The following FAM163A variants were observed in gnomAD, a reference collection of about 807,000 sequenced individuals.
FAM163A encodes protein FAM163A.
FAM163A carries 7 observed loss-of-function variants against 12.0 expected under a neutral mutation model. The observed-to-expected ratio is 0.58, with a 90% confidence interval of 0.33 to 1.10. The LOEUF (loss-of-function observed/expected upper bound fraction) is 1.10. Among genes scored for constraint, FAM163A ranks in the 50% least tolerant of loss-of-function variants. FAM163A has a pLI of 0.03. For synonymous variants in FAM163A, 101 were observed against 91.0 expected (o/e 1.11, Z -0.62); for missense variants, 202 against 218.6 (o/e 0.92, Z 0.48).
At chr1:179,748,488 G>GA (rs1684825283) in intron 1 of FAM163A, among the ~76,000 whole-genome samples, 1 of 152,210 alleles carries the variant, frequency 6.6e-6, no homozygotes, top group Non-Finnish European at 1.5e-5. Context: ...ATCAAATTCA[G>GA]AAAATGTCTG....
At chr1:179,756,597 G>A (rs182596360) in intron 1 of FAM163A, among the ~76,000 whole-genome samples, 15 of 152,314 alleles carry the variant, frequency 9.8e-5, no homozygotes, top group South Asian at 6.2e-4. Context: ...AGAATACAAC[G>A]TCTAGGAGTC....
chr1:179,810,646 C>G (rs1160958173), intron 2 of FAM163A, among the ~76,000 whole-genome samples: 1 of 152,200 alleles, frequency 6.6e-6, no homozygotes, highest in Non-Finnish European at 1.5e-5. Context: ...CTGCCCCACT[C>G]TAGGTTCCGC....
At chr1:179,758,479 C>T (rs1262416298) in intron 1 of FAM163A, among the ~76,000 whole-genome samples, 7 of 152,154 alleles carry the variant, frequency 4.6e-5, no homozygotes, top group Admixed American at 4.6e-4. Flanking sequence ...TTCTCTCTGC[C>T]CCAGCTTTAT....
At chr1:179,797,212 C>T (rs377020241) in intron 1 of FAM163A, among the ~76,000 whole-genome samples, 1 of 152,018 alleles carries the variant, frequency 6.6e-6, no homozygotes, top group Non-Finnish European at 1.5e-5. Context: ...TGTGGGAGGC[C>T]GAGGCGGGCA....
chr1:179,733,697 C>T, the FAM163A span, among the ~76,000 whole-genome samples: 3 of 152,146 alleles, frequency 2.0e-5, no homozygotes, highest in African/African-American at 7.2e-5. Flanking sequence ...TGCTACCTCT[C>T]TTCTGACCCA....
intron 1 of FAM163A, among the ~76,000 whole-genome samples, chr1:179,766,080 A>G (rs1159657422): frequency 1.3e-5 from 2 of 152,184 alleles, no homozygotes; most frequent in Non-Finnish European, 2.9e-5. Flanking sequence ...ATACCCCAAG[A>G]TGAAGGCCTC....
intron 1 of FAM163A, among the ~76,000 whole-genome samples, chr1:179,800,265 GCA>G (rs1384130815): frequency 6.6e-6 from 1 of 152,186 alleles, no homozygotes; most frequent in African/African-American, 2.4e-5. Context: ...TCCATTATCA[GCA>G]CAGTTTTTGC....
At chr1:179,781,092 T>G (rs1409842489) in intron 1 of FAM163A, among the ~76,000 whole-genome samples, 1 of 152,126 alleles carries the variant, frequency 6.6e-6, no homozygotes, top group Non-Finnish European at 1.5e-5. Context: ...GGCTTTAAAA[T>G]GAGGGGCTTA....
intron 1 of FAM163A, among the ~76,000 whole-genome samples, chr1:179,756,217 G>A (rs1181055554): frequency 6.6e-6 from 1 of 152,220 alleles, no homozygotes; most frequent in African/African-American, 2.4e-5. Context: ...GGTTAGGGTT[G>A]AGTACAGACA....
chr1:179,785,074 G>A lies in FAM163A; in HGVS notation c.-135-22724G>A, dbSNP rs535261394. Among the ~76,000 whole-genome samples the A allele has an allele frequency of 6.6e-5, 10 of 152,296 alleles. No homozygotes were observed. The South Asian group carries it at 1.2e-3, about 19-fold the overall frequency. ...CCCAGCTTCTCCAACATCTCACTGT[G>A]ATTCACCAGATCAATTAAAGGCGCA... On this transcript the variant is annotated intron_variant, in intron 1 of 4. Transcript: ENST00000341785.
At chr1:179,775,773 C>T (rs1006547856) in intron 1 of FAM163A, among the ~76,000 whole-genome samples, 6 of 152,056 alleles carry the variant, frequency 3.9e-5, no homozygotes, top group Non-Finnish European at 7.4e-5. Context: ...GACAGATGCC[C>T]GCAGAATACT....
At chr1:179,736,273 A>G in the FAM163A span, among the ~76,000 whole-genome samples, 1 of 152,118 alleles carries the variant, frequency 6.6e-6, no homozygotes, top group African/African-American at 2.4e-5. Flanking sequence ...TTTACAAACC[A>G]TATATTTGAT....
rs752009207 is a variant in FAM163A at position 179,813,928 on chromosome 1, C to A, written c.243C>A (p.Ser81Arg). ...GAGGCAGCCTGGCGCCTCTCACCAG[C>A]GAGCCCTGCAGCCAGCCCTGTGGGG... The part of the protein sequence containing the change: ...DGRGSLAPLT[S>R]EPCSQPCGVA... The change falls in exon 5 of 5, where the codon AGC (serine) becomes AGA (arginine). Residue 81 changes from serine (S) to arginine (R), a missense_variant. By Grantham distance (110) the Ser-to-Arg change is moderately radical. Coordinates refer to ENST00000341785, the MANE Select transcript of FAM163A (RefSeq NM_173509.3). 5 of 1,613,664 alleles carry A rather than the reference C, an allele frequency of 3.1e-6. No individual in the cohort carries two copies. The highest frequency in any genetic ancestry group is 2.2e-5 in the East Asian group (1 of 44,880).
Position 179,814,348 on chromosome 1 carries a change from T to C in FAM163A, c.*159T>C, listed in dbSNP as rs1695112914. On this transcript the variant is annotated 3_prime_UTR_variant, in exon 5 of 5. Transcript: ENST00000341785. ...GTTTACTAGGATTTAAGCTTTTGAG[T>C]GCATTGAGAACCAAGACAGGGCCTG... 2 of 1,017,714 alleles carry C rather than the reference T, an allele frequency of 2.0e-6. No homozygotes were observed. The allele number at this position is 1,017,714 out of a possible 1,614,324, so 63.0% of individuals were successfully genotyped here.
At position 179,814,127 on chromosome 1, in the gene FAM163A, A is replaced by G. The variant is rs1483406391; in HGVS notation, c.442A>G (p.Thr148Ala). The G allele has an allele frequency of 2.5e-6, 4 of 1,614,050 alleles. No individual in the cohort carries two copies. The African/African-American group carries it at 4.0e-5, about 16-fold the overall frequency. ...GGCAGCACCCCAGAGTTACCCGGTG[A>G]CCTGGCCAGGCTCTGGGCGTGAGGC... ...KLAAPQSYPVTWPGSGREAFT... is the reference protein window; with the variant it reads ...KLAAPQSYPVAWPGSGREAFT... The change falls in exon 5 of 5, where the codon ACC becomes GCC. Residue 148 changes from threonine (T) to alanine (A), a missense_variant. Transcript: ENST00000341785.
At chr1:179,796,367 C>T (rs981423567) in intron 1 of FAM163A, among the ~76,000 whole-genome samples, 1 of 152,146 alleles carries the variant, frequency 6.6e-6, no homozygotes, top group East Asian at 1.9e-4. Context: ...CAAGGTGTCA[C>T]ATTTAAAGAG....
chr1:179,794,751 G>A (rs566904752), intron 1 of FAM163A, among the ~76,000 whole-genome samples: 1 of 152,272 alleles, frequency 6.6e-6, no homozygotes, highest in African/African-American at 2.4e-5. Context: ...CATCAGAGGA[G>A]TTTACATCTG....
chr1:179,806,400 AGT>A (rs1481738176), intron 1 of FAM163A, among the ~76,000 whole-genome samples: 4 of 151,718 alleles, frequency 2.6e-5, no homozygotes, highest in Non-Finnish European at 5.9e-5. Context: ...GAGCTGGGAG[AGT>A]GTAGGAAGGC....
At chr1:179,747,166 GGAA>G (rs749456138) in intron 1 of FAM163A, among the ~76,000 whole-genome samples, 87 of 148,078 alleles carry the variant, frequency 5.9e-4, no homozygotes, top group South Asian at 1.3e-3. Context: ...AGAGATGCTT[GGAA>G]AAAAAAAAAA....
Sources: allele counts gnomAD v4.1 joint callset (sites outside exome capture counted in the v4.1 genomes callset), GRCh38; gene constraint gnomAD v4.1.1; transcripts MANE v1.5; gene names NCBI Gene and HGNC (gene_info 2026-07-23, HGNC 2026-07-21).